The following FUT9 variants were observed in gnomAD, a reference collection of about 807,000 sequenced individuals.
FUT9 encodes 4-galactosyl-N-acetylglucosaminide 3-alpha-L-fucosyltransferase 9.
Under a neutral mutation model 29.7 loss-of-function variants are expected in FUT9, and 15 were observed. The ratio of observed to expected loss-of-function variants is 0.51; its 90% CI spans 0.34 to 0.78. The LOEUF (loss-of-function observed/expected upper bound fraction) is 0.78, where lower values mean the gene tolerates loss of function less well. Among genes scored for constraint, FUT9 ranks in the 30% least tolerant of loss-of-function variants. FUT9 has a pLI of 0.01. For missense variants in FUT9, 319 were observed against 425.4 expected, an observed-to-expected ratio of 0.75 and a Z score of 2.20; for synonymous variants, 169 against 153.7, an observed-to-expected ratio of 1.10 and a Z score of -0.74.
At chr6:96,163,130 C>G (rs1038556508) in intron 2 of FUT9, among the ~76,000 whole-genome samples, 1 of 152,198 alleles carries the variant, frequency 6.6e-6, no homozygotes, top group Non-Finnish European at 1.5e-5. Context: ...AAGTTTCTCA[C>G]TCTCATCCTA....
chr6:96,142,834 T>A (rs1362535400), intron 2 of FUT9, among the ~76,000 whole-genome samples: 1 of 152,070 alleles, frequency 6.6e-6, no homozygotes, highest in Non-Finnish European at 1.5e-5. Flanking sequence ...AGGTTTCTTA[T>A]TTTTTTAACC....
intron 1 of FUT9, among the ~76,000 whole-genome samples, chr6:96,039,608 CTCCTCACAGGGGCT>C (rs1284324726): frequency 1.9e-4 from 29 of 152,078 alleles, no homozygotes; most frequent in Non-Finnish European, 2.9e-5. Flanking sequence ...GCATTACCTC[CTCCTCACAGGGGCT>C]TCCTCAGTCA....
chr6:96,203,691 T>C lies in FUT9; in HGVS notation c.536T>C (p.Val179Ala). The stretch of plus-strand genomic sequence containing the variant: ...TTGACGGTAAGCACAAATCCCTTCG[T>C]GTTTGAAGTGCCAAGCAAAGAGAAA... ...GFLTVSTNPF[V>A]FEVPSKEKLV... Residue 179 changes from valine (V) to alanine (A), a missense_variant, in exon 3 of 3, where the codon GTG becomes GCG. Physicochemically the swap from Val to Ala is moderately conservative, Grantham distance 64. Coordinates refer to ENST00000302103, the MANE Select transcript of FUT9 (RefSeq NM_006581.4). The C allele has an allele frequency of 1.2e-6, 2 of 1,613,998 alleles. No individual in the cohort carries two copies. The highest frequency in any genetic ancestry group is 1.7e-6 in the Non-Finnish European group (2 of 1,179,988).
chr6:96,049,104 G>T (rs1770617942), intron 1 of FUT9, among the ~76,000 whole-genome samples: 1 of 152,134 alleles, frequency 6.6e-6, no homozygotes, highest in African/African-American at 2.4e-5. Flanking sequence ...GAAAAGACAA[G>T]GGAAAATTAT....
chr6:96,032,867 T>C (rs1223566477), intron 1 of FUT9, among the ~76,000 whole-genome samples: 2 of 151,630 alleles, frequency 1.3e-5, no homozygotes, highest in Admixed American at 6.6e-5. Flanking sequence ...TGAGATAATA[T>C]GCTTTTATTC....
rs147679914 is a variant in FUT9, at chr6:96,112,494, T to C, written c.-97-1545T>C. ...AATATAAGGGTGAAAAGGTACTAAATTCAGTGGAAAATTAAATTATTTTTC... is the reference window on the plus strand; with the variant it reads ...AATATAAGGGTGAAAAGGTACTAAACTCAGTGGAAAATTAAATTATTTTTC... On this transcript the variant is annotated intron_variant, in intron 1 of 2. Transcript: ENST00000302103. Among the ~76,000 whole-genome samples, 32 of 152,316 alleles carry C rather than the reference T, an allele frequency of 2.1e-4. No homozygotes were observed. The East Asian group carries it at 6.2e-3, about 29-fold the overall frequency.
rs149636181 is a variant in FUT9 at position 96,135,037 on chromosome 6, A to G, written c.-9+20910A>G. Reference sequence around the variant, plus strand: ...ATTTCAAAAAGGTGCAGGTTGCTGTATTGCTTCATTGCAAAGTTAAGGAGT... The same window carrying G: ...ATTTCAAAAAGGTGCAGGTTGCTGTGTTGCTTCATTGCAAAGTTAAGGAGT... On this transcript the variant is annotated intron_variant, in intron 2 of 2. Coordinates refer to ENST00000302103, the MANE Select transcript of FUT9 (RefSeq NM_006581.4). 3.2e-4 allele frequency among the ~76,000 whole-genome samples: 48 copies of G among 152,040 alleles called. No homozygotes were observed. The East Asian group carries it at 7.7e-3, about 24-fold the overall frequency.
chr6:96,043,144 C>T (rs1366310776), intron 1 of FUT9, among the ~76,000 whole-genome samples: 20 of 152,248 alleles, frequency 1.3e-4, no homozygotes, highest in East Asian at 7.8e-4. Flanking sequence ...CTCCGCCTCC[C>T]GGGTTCATGC....
At chr6:96,124,039 CTT>C (rs1482507385) in intron 2 of FUT9, among the ~76,000 whole-genome samples, 2 of 151,674 alleles carry the variant, frequency 1.3e-5, no homozygotes, top group African/African-American at 2.4e-5. Flanking sequence ...CTAAAGAAAA[CTT>C]ATTTCCTATT....
At chr6:96,113,509 G>C (rs1771849385) in intron 1 of FUT9, among the ~76,000 whole-genome samples, 1 of 151,778 alleles carries the variant, frequency 6.6e-6, no homozygotes, top group South Asian at 2.1e-4. Context: ...AAAGTGCTGG[G>C]AGTACAGGCA....
chr6:96,102,245 C>A (rs1771598802), intron 1 of FUT9, among the ~76,000 whole-genome samples: 1 of 151,454 alleles, frequency 6.6e-6, no homozygotes, highest in Non-Finnish European at 1.5e-5. Flanking sequence ...TAAAAGATGG[C>A]ATATATTATA....
chr6:96,129,286 AAAAAAAC>A (rs1772195670), intron 2 of FUT9, among the ~76,000 whole-genome samples: 11 of 6,080 alleles, frequency 1.8e-3, no homozygotes, highest in African/African-American at 2.2e-3. Flanking sequence ...AAAAAAAAAA[AAAAAAAC>A]AAACAACCAG....
At chr6:96,097,433 A>C (rs1239051445) in intron 1 of FUT9, among the ~76,000 whole-genome samples, 1 of 151,996 alleles carries the variant, frequency 6.6e-6, no homozygotes, top group East Asian at 1.9e-4. Context: ...GTCAGGGTTT[A>C]TTAAATATGT....
intron 2 of FUT9, among the ~76,000 whole-genome samples, chr6:96,165,686 G>A (rs1773003044): frequency 6.6e-6 from 1 of 151,862 alleles, no homozygotes; most frequent in Non-Finnish European, 1.5e-5. Context: ...CGTGATCTCG[G>A]CTCACTGCAA....
At chr6:96,018,744 G>A (rs1770021527) in intron 1 of FUT9, among the ~76,000 whole-genome samples, 2 of 152,026 alleles carry the variant, frequency 1.3e-5, no homozygotes, top group South Asian at 2.1e-4. Flanking sequence ...TTGGTTGAAT[G>A]TTCCATGTGA....
chr6:96,086,245 T>C (rs1200053476), intron 1 of FUT9, among the ~76,000 whole-genome samples: 1 of 152,222 alleles, frequency 6.6e-6, no homozygotes, highest in Non-Finnish European at 1.5e-5. Context: ...ATTTTGAAAT[T>C]TGACATGTGC....
Position 96,213,025 on chromosome 6 carries a change from G to A in FUT9, c.*8790G>A, listed in dbSNP as rs943126231. 36 of 166,878 alleles carry A rather than the reference G, an allele frequency of 2.2e-4. No individual in the cohort carries two copies. The Admixed American group carries it at 2.4e-3, about 11-fold the overall frequency. The allele number at this position is 166,878 out of a possible 1,614,324, so 10.3% of individuals were successfully genotyped here. A position where few individuals can be genotyped will look rare whatever the true frequency, so the allele number is the denominator to read the frequency against. The stretch of plus-strand genomic sequence containing the variant: ...TGAGAAGCTCTTAATAAATCTTGAT[G>A]AATTGGTTAGAAATTCTAATTTAAT... On this transcript the variant is annotated 3_prime_UTR_variant, in exon 3 of 3. Transcript: ENST00000302103.
intron 2 of FUT9, among the ~76,000 whole-genome samples, chr6:96,135,634 A>T (rs1772334465): frequency 1.3e-5 from 2 of 151,918 alleles, no homozygotes; most frequent in African/African-American, 4.8e-5. Flanking sequence ...TTCAGGAAAA[A>T]AAAGGTACCG....
At chr6:96,110,837 A>ATTTATTTATTTATTTAT (rs1562128554) in intron 1 of FUT9, among the ~76,000 whole-genome samples, 4 of 151,378 alleles carry the variant, frequency 2.6e-5, no homozygotes, top group African/African-American at 7.3e-5. Flanking sequence ...TTATTTATTT[A>ATTTATTTATTTATTTAT]TTTTTTGTAG....
Sources: allele counts gnomAD v4.1 joint callset (sites outside exome capture counted in the v4.1 genomes callset), GRCh38; gene constraint gnomAD v4.1.1; transcripts MANE v1.5; gene names NCBI Gene and HGNC (gene_info 2026-07-23, HGNC 2026-07-21).